MED12L: variants seen among roughly 807,000 people sequenced by gnomAD.
MED12L encodes the protein mediator complex subunit 12L, also known as mediator of RNA polymerase II transcription subunit 12-like protein.
In MED12L, 60 loss-of-function variants were observed where a neutral mutation model predicts 281.3. The observed-to-expected ratio is 0.21, with a 90% confidence interval of 0.17 to 0.26. The LOEUF (loss-of-function observed/expected upper bound fraction) is 0.26, where lower values mean the gene tolerates loss of function less well. Ranked by LOEUF, MED12L falls within the 10% of genes least tolerant of loss-of-function variation. MED12L has a pLI of 1.00. For synonymous variants in MED12L, 974 were observed against 987.2 expected, an observed-to-expected ratio of 0.99 and a Z score of 0.25; for missense variants, 2,146 against 2,680.9, an observed-to-expected ratio of 0.80 and a Z score of 4.41.
chr3:151,246,619 T>C (rs1470739983), intron 16 of MED12L, among the ~76,000 whole-genome samples: 2 of 152,116 alleles, frequency 1.3e-5, no homozygotes, highest in Admixed American at 1.3e-4. Context: ...CAAAAATCAA[T>C]TCAAGATGGA....
intron 16 of MED12L, among the ~76,000 whole-genome samples, chr3:151,247,279 T>C (rs1383032327): frequency 2.6e-5 from 4 of 152,036 alleles, no homozygotes; most frequent in African/African-American, 4.8e-5. Context: ...ACCCAAAGGA[T>C]TATAAATCAT....
chr3:151,313,831 G>A (rs1286849453), intron 16 of MED12L, among the ~76,000 whole-genome samples: 2 of 152,108 alleles, frequency 1.3e-5, no homozygotes, highest in African/African-American at 4.8e-5. Flanking sequence ...GGCTGAGGCA[G>A]GAGAATCGCT....
chr3:151,160,722 C>T (rs1236534873), intron 8 of MED12L, among the ~76,000 whole-genome samples: 1 of 152,202 alleles, frequency 6.6e-6, no homozygotes, highest in Non-Finnish European at 1.5e-5. Context: ...TCTCCACTCT[C>T]AGAGTTTACT....
chr3:151,258,169 C>T (rs1293450290), intron 16 of MED12L, among the ~76,000 whole-genome samples: 1 of 152,148 alleles, frequency 6.6e-6, no homozygotes, highest in Non-Finnish European at 1.5e-5. Context: ...GTGGGAGTTC[C>T]GATATGGTAT....
intron 16 of MED12L, among the ~76,000 whole-genome samples, chr3:151,228,367 G>A (rs1730965630): frequency 6.6e-6 from 1 of 152,210 alleles, no homozygotes; most frequent in African/African-American, 2.4e-5. Flanking sequence ...AATACCTGGT[G>A]TGAGGCAGGC....
chr3:151,228,456 T>A (rs1169096312), intron 16 of MED12L, among the ~76,000 whole-genome samples: 1 of 151,790 alleles, frequency 6.6e-6, no homozygotes, highest in Non-Finnish European at 1.5e-5. Context: ...CCTGACAGTT[T>A]CCCCTCTTCT....
intron 16 of MED12L, among the ~76,000 whole-genome samples, chr3:151,261,990 G>A (rs564959973): frequency 3.0e-4 from 46 of 152,286 alleles, no homozygotes; most frequent in Non-Finnish European, 5.6e-4. Flanking sequence ...GCCTCCCAGT[G>A]TGCTAAGATT....
intron 16 of MED12L, among the ~76,000 whole-genome samples, chr3:151,233,203 C>T (rs1185714207): frequency 6.6e-6 from 1 of 152,154 alleles, no homozygotes; most frequent in Non-Finnish European, 1.5e-5. Flanking sequence ...TGCCTCACCT[C>T]CACAGGGTAG....
chr3:151,110,990 A>G (rs1056387846), intron 2 of MED12L, among the ~76,000 whole-genome samples: 1 of 152,208 alleles, frequency 6.6e-6, no homozygotes, highest in Non-Finnish European at 1.5e-5. Context: ...TGGTCTCTGT[A>G]TCAGCATCAC....
Position 151,255,349 on chromosome 3 carries a change from A to G in MED12L, c.2250+61683A>G, listed in dbSNP as rs533138564. 1.3e-3 allele frequency among the ~76,000 whole-genome samples: 191 copies of G among 152,164 alleles called. 1 individual carries two copies. Among genetic ancestry groups the G allele is most frequent in the Non-Finnish European group, 2.1e-3 (140 of 68,004 alleles). ...TTAAATATCTACCTTAGCTTTTGCCATAGTTCAAAAGTTGGGGGAGGGAGT... is the reference window on the plus strand; with the variant it reads ...TTAAATATCTACCTTAGCTTTTGCCGTAGTTCAAAAGTTGGGGGAGGGAGT... On this transcript the variant is annotated intron_variant, in intron 16 of 44. Coordinates refer to ENST00000687756, the MANE Select transcript of MED12L (RefSeq NM_001393769.1).
chr3:151,120,016 C>T (rs922989612), intron 3 of MED12L, among the ~76,000 whole-genome samples: 3 of 148,730 alleles, frequency 2.0e-5, no homozygotes, highest in East Asian at 2.0e-4. Context: ...GTCAGGAGTT[C>T]GAGACCAGCC....
At chr3:151,206,393 C>A (rs946905495) in intron 16 of MED12L, among the ~76,000 whole-genome samples, 1 of 151,814 alleles carries the variant, frequency 6.6e-6, no homozygotes, top group Non-Finnish European at 1.5e-5. Context: ...TGTCATTTCC[C>A]CTTGACAGTC....
At chr3:151,349,909 G>A in intron 16 of MED12L, 150 bp from the exon 17 acceptor site, 1 of 523,612 alleles carries the variant, frequency 1.9e-6, no homozygotes, top group Non-Finnish European at 3.3e-6. Flanking sequence ...CAAGGGTGTT[G>A]CCAGTGGAGG....
At position 151,339,518 on chromosome 3, in the gene MED12L, C is replaced by T. The variant is rs182271975; in HGVS notation, c.2251-10541C>T. On this transcript the variant is annotated intron_variant, in intron 16 of 44. Coordinates refer to ENST00000687756, the MANE Select transcript of MED12L (RefSeq NM_001393769.1). The stretch of plus-strand genomic sequence containing the variant: ...CTCACTCATTCAAAGATTGGCCTCA[C>T]GGAGATTCATTATTCTGCTTCAAAT... 7.3e-5 allele frequency among the ~76,000 whole-genome samples: 11 copies of T among 151,666 alleles called. No homozygotes were observed. The South Asian group carries it at 1.0e-3, about 14-fold the overall frequency.
intron 5 of MED12L, among the ~76,000 whole-genome samples, chr3:151,151,406 A>G (rs1312915646): frequency 6.6e-6 from 1 of 151,992 alleles, no homozygotes; most frequent in Non-Finnish European, 1.5e-5. Flanking sequence ...TTGGCATAAG[A>G]GACCTTGCTT....
chr3:151,175,232 A>G (rs887456506), intron 11 of MED12L, among the ~76,000 whole-genome samples: 1 of 152,196 alleles, frequency 6.6e-6, no homozygotes, highest in Non-Finnish European at 1.5e-5. Context: ...TGCTAATATA[A>G]CTACACTACA....
intron 23 of MED12L, among the ~76,000 whole-genome samples, chr3:151,366,985 T>C (rs559902440): frequency 1.3e-5 from 2 of 152,350 alleles, no homozygotes; most frequent in Admixed American, 1.3e-4. Context: ...TTAACCATAG[T>C]CCTTGGCATA....
chr3:151,374,356 T>G (rs1756560886), intron 27 of MED12L, among the ~76,000 whole-genome samples: 1 of 152,200 alleles, frequency 6.6e-6, no homozygotes, highest in South Asian at 2.1e-4. Context: ...GAGACCAGCC[T>G]GGCCAACATG....
intron 37 of MED12L, among the ~76,000 whole-genome samples, chr3:151,388,708 A>G (rs1713795532): frequency 6.6e-6 from 1 of 152,212 alleles, no homozygotes; most frequent in East Asian, 1.9e-4. Context: ...TTTATAAAAG[A>G]TGAAAATAAG....
Sources: gnomAD v4.1 joint callset for allele counts (sites outside exome capture counted in the v4.1 genomes callset) on GRCh38, gnomAD v4.1.1 for gene constraint, MANE v1.5 for transcripts, NCBI Gene and HGNC (gene_info 2026-07-23, HGNC 2026-07-21) for gene names.